Variants in TTC27 observed in about 807,000 individuals in gnomAD.
TTC27 encodes tetratricopeptide repeat domain 27.
A neutral mutation model predicts 115.9 loss-of-function variants in TTC27; 79 were observed. The ratio of observed to expected loss-of-function variants is 0.68; its 90% confidence interval spans 0.57 to 0.82. The LOEUF (loss-of-function observed/expected upper bound fraction) is 0.82. Ranked by LOEUF, TTC27 falls within the 40% of genes least tolerant of loss-of-function variation. The pLI is 0.00. For missense variants in TTC27, 1,054 were observed against 993.1 expected (o/e 1.06, Z -0.82); for synonymous variants, 401 against 356.0 (o/e 1.13, Z -1.42).
rs563435756 is a variant in TTC27 at position 32,704,236 on chromosome 2, G to A, written c.1233+1316G>A. Among the ~76,000 whole-genome samples the A allele has an allele frequency of 6.6e-5, 10 of 152,008 alleles. 1 individual carries two copies. The Middle Eastern group carries it at 0.031, about 465-fold the overall frequency. The stretch of plus-strand genomic sequence containing the variant: ...GGGTCTTACTCTGTTGCCCAGGTTG[G>A]AGTGCAGTGGCACAATCTGGGCTCG... On this transcript the variant is annotated intron_variant, in intron 10 of 19. Coordinates refer to ENST00000317907, the MANE Select transcript of TTC27 (RefSeq NM_017735.5).
Position 32,811,188 on chromosome 2 carries a change from T to C in TTC27, c.2163T>C (p.Asn721=). 3 of 1,614,058 alleles carry C rather than the reference T, an allele frequency of 1.9e-6. No homozygotes were observed. The highest frequency in any genetic ancestry group is 2.2e-5 in the South Asian group (2 of 91,070). ...IWRLYAHVYG[N]GQSEKPDENE... is the part of the protein sequence containing the mutation. ...GGCTGTATGCCCACGTATATGGAAA[T>C]GGGCAGAGTGAAAAGCCTGATGAAA... Residue 721 remains asparagine (N), a synonymous_variant, in exon 17 of 20, where the codon AAT becomes AAC. Transcript: ENST00000317907.
chr2:32,751,294 A>G (rs1048590030), intron 12 of TTC27, among the ~76,000 whole-genome samples: 5 of 151,414 alleles, frequency 3.3e-5, no homozygotes, highest in Admixed American at 6.6e-5. Context: ...ACACACACAC[A>G]CACACACATG....
intron 7 of TTC27, among the ~76,000 whole-genome samples, chr2:32,670,809 G>C (rs1214341581): frequency 6.6e-6 from 1 of 151,720 alleles, no homozygotes; most frequent in Non-Finnish European, 1.5e-5. Context: ...GTAGAGACGG[G>C]GTTTTTGCCA....
chr2:32,746,272 G>A (rs1558321905), intron 12 of TTC27, among the ~76,000 whole-genome samples: 3 of 151,994 alleles, frequency 2.0e-5, no homozygotes, highest in Non-Finnish European at 4.4e-5. Context: ...CTATAAGAAT[G>A]CACATCTGGC....
chr2:32,785,595 T>C (rs1475904730), intron 15 of TTC27, among the ~76,000 whole-genome samples: 1 of 152,124 alleles, frequency 6.6e-6, no homozygotes, highest in Non-Finnish European at 1.5e-5. Flanking sequence ...GAGGGTTTTG[T>C]TTTTGTTTTT....
chr2:32,743,707 G>A (rs116800814), intron 12 of TTC27, among the ~76,000 whole-genome samples: 1,696 of 152,236 alleles, frequency 0.011, 31 homozygotes, highest in African/African-American at 0.038. Context: ...ATAGTCCTAA[G>A]AAGAGTTGCT....
At chr2:32,789,282 C>T (rs1316051733) in intron 16 of TTC27, among the ~76,000 whole-genome samples, 1 of 152,122 alleles carries the variant, frequency 6.6e-6, no homozygotes, top group Non-Finnish European at 1.5e-5. Context: ...GAAGTGGTTA[C>T]AATAGCTGAA....
intron 16 of TTC27, among the ~76,000 whole-genome samples, chr2:32,807,729 C>T (rs1024543032): frequency 6.6e-6 from 1 of 152,038 alleles, no homozygotes; most frequent in African/African-American, 2.4e-5. Context: ...ATCTCTCCTG[C>T]CTTCCTTGTT....
intron 5 of TTC27, among the ~76,000 whole-genome samples, chr2:32,656,365 C>T (rs1665315382): frequency 6.6e-6 from 1 of 152,166 alleles, no homozygotes; most frequent in South Asian, 2.1e-4. Context: ...GTGGCTGATA[C>T]TTGCACTGAA....
In TTC27 at chr2:32,668,845, C is replaced by T. The variant is rs562151191; in HGVS notation, c.939+2077C>T. On this transcript the variant is annotated intron_variant, in intron 7 of 19. Coordinates refer to ENST00000317907, the MANE Select transcript of TTC27 (RefSeq NM_017735.5). ...CTGTAATCCCAGCACTTTGGGAGGC[C>T]GAGGTGGACGGATCATGAGGTCAGG... Among the ~76,000 whole-genome samples, 12 of 151,572 alleles carry T rather than the reference C, an allele frequency of 7.9e-5. No individual in the cohort carries two copies. In the East Asian group the frequency reaches 1.4e-3, roughly 17 times the overall value.
intron 4 of TTC27, among the ~76,000 whole-genome samples, chr2:32,647,317 G>C (rs1295398553): frequency 1.3e-5 from 2 of 152,046 alleles, no homozygotes; most frequent in Non-Finnish European, 2.9e-5. Context: ...AAAAGTAAAA[G>C]AATAAGCTGC....
At chr2:32,790,141 C>T (rs1266821748) in intron 16 of TTC27, among the ~76,000 whole-genome samples, 2 of 151,714 alleles carry the variant, frequency 1.3e-5, no homozygotes, top group Admixed American at 1.3e-4. Context: ...TGGTCATAGT[C>T]TTAGCTTTTT....
chr2:32,716,737 G>A (rs1201699206), intron 10 of TTC27, among the ~76,000 whole-genome samples: 1 of 151,672 alleles, frequency 6.6e-6, no homozygotes, highest in African/African-American at 2.4e-5. Context: ...TGTTTTCCAG[G>A]CTGGAGTGCA....
chr2:32,736,896 C>T, intron 12 of TTC27, 80 bp downstream of exon 12: 1 of 1,498,414 alleles, frequency 6.7e-7, no homozygotes, highest in Non-Finnish European at 8.9e-7. Context: ...TTTTTCAAAC[C>T]CACTTTTGCC....
At chr2:32,778,108 A>C in intron 14 of TTC27, 128 bp downstream of exon 14, 6 of 705,588 alleles carry the variant, frequency 8.5e-6, no homozygotes, top group African/African-American at 1.8e-5. Context: ...GGAAGGTCGT[A>C]CCTCAAGGTA....
At chr2:32,765,077 C>T (rs1037774739) in intron 13 of TTC27, among the ~76,000 whole-genome samples, 2 of 152,156 alleles carry the variant, frequency 1.3e-5, no homozygotes, top group African/African-American at 2.4e-5. Context: ...CAGGAATGTT[C>T]TTATTGGTGA....
chr2:32,650,413 A>G (rs1323038625), intron 5 of TTC27, among the ~76,000 whole-genome samples, 180 bp downstream of exon 5: 1 of 129,140 alleles, frequency 7.7e-6, no homozygotes, highest in Non-Finnish European at 1.6e-5. Context: ...GTCAGATTAT[A>G]GAGTTCCTTT....
intron 3 of TTC27, among the ~76,000 whole-genome samples, chr2:32,637,626 T>C (rs1289756201): frequency 6.6e-6 from 1 of 152,196 alleles, no homozygotes; most frequent in African/African-American, 2.4e-5. Context: ...CCACCGGGCC[T>C]GGCCAGGATT....
At chr2:32,772,059 TG>T (rs1669847314) in intron 13 of TTC27, among the ~76,000 whole-genome samples, 1 of 152,226 alleles carries the variant, frequency 6.6e-6, no homozygotes, top group African/African-American at 2.4e-5. Flanking sequence ...GGTTCATAAG[TG>T]GTACCCATTG....
Sources: allele counts gnomAD v4.1 joint callset (sites outside exome capture counted in the v4.1 genomes callset), GRCh38; gene constraint gnomAD v4.1.1; transcripts MANE v1.5; gene names NCBI Gene and HGNC (gene_info 2026-07-23, HGNC 2026-07-21).